PNKD: variants seen among roughly 807,000 people sequenced by gnomAD.
PNKD encodes PNKD metallo-beta-lactamase domain containing.
In PNKD, 36 loss-of-function variants were observed where a neutral mutation model predicts 45.3. That is an observed-to-expected ratio of 0.80 (90% CI 0.61 to 1.05). PNKD has a LOEUF of 1.05. Among genes scored for constraint, PNKD ranks in the 50% least tolerant of loss-of-function variants. The pLI is 0.00. For synonymous variants in PNKD, 197 were observed against 210.1 expected (o/e 0.94, Z 0.54); for missense variants, 511 against 506.6 (o/e 1.01, Z -0.08).
chr2:218,293,904 C>T (rs749483970), intron 2 of PNKD, among the ~76,000 whole-genome samples: 4 of 139,150 alleles, frequency 2.9e-5, no homozygotes, highest in Non-Finnish European at 4.5e-5. Flanking sequence ...TGAGCCACCA[C>T]GTCCAGCCCC....
intron 2 of PNKD, among the ~76,000 whole-genome samples, chr2:218,311,709 A>G (rs1693620653): frequency 6.6e-6 from 1 of 152,094 alleles, no homozygotes; most frequent in African/African-American, 2.4e-5. Context: ...TTACACCGAG[A>G]CATTCCATTC....
Position 218,344,471 on chromosome 2 carries a change from G to T in PNKD, c.885G>T (p.Glu295Asp). Reference sequence around the variant, plus strand: ...TGTCGGTAGGTCATGAGTATGCAGAGGAGAACCTGGGCTTTGCAGGTGTGG... The same window carrying T: ...TGTCGGTAGGTCATGAGTATGCAGATGAGAACCTGGGCTTTGCAGGTGTGG... ...TLLWPGHEYA[E>D]ENLGFAGVVE... Residue 295 changes from glutamate to aspartate, a missense_variant, in exon 9 of 10, where the codon GAG becomes GAT. By Grantham distance (45) the Glu-to-Asp change is conservative (BLOSUM62 2). Transcript: ENST00000273077. The T allele has an allele frequency of 1.9e-6, 3 of 1,581,934 alleles. No homozygotes were observed. The highest frequency in any genetic ancestry group is 2.3e-5 in the South Asian group (2 of 86,504).
rs577399044 is a variant in PNKD, at chr2:218,343,134, G to A, written c.782-366G>A. Among the ~76,000 whole-genome samples, 4 of 152,300 alleles carry A rather than the reference G, an allele frequency of 2.6e-5. No individual in the cohort carries two copies. In the East Asian group the frequency reaches 7.7e-4, roughly 29 times the overall value. On this transcript the variant is annotated intron_variant, in intron 7 of 9. Coordinates refer to ENST00000273077, the MANE Select transcript of PNKD (RefSeq NM_015488.5). ...TAAGAACAGCTAGGTGAGTGGGTGG[G>A]TGAGGATCACAAGTCCCAGGCTGCA...
Position 218,345,156 on chromosome 2 carries a change from A to C in PNKD, c.*175A>C. The C allele has an allele frequency of 1.6e-6, 1 of 610,364 alleles. No individual in the cohort carries two copies. The highest frequency in any genetic ancestry group is 2.9e-6 in the Non-Finnish European group (1 of 348,412). The allele number at this position is 610,364 out of a possible 1,614,324, so 37.8% of individuals were successfully genotyped here. On this transcript the variant is annotated 3_prime_UTR_variant, in exon 10 of 10. Transcript: ENST00000273077. The stretch of plus-strand genomic sequence containing the variant: ...TCAGGCGATGAGACTGTGAGGCCAA[A>C]AGAAGGGGGCCTGTTGGAGGCTGGG...
At chr2:218,318,313 ACTTTAGC>A (rs1411511235) in intron 2 of PNKD, 1 of 118,954 alleles carries the variant, frequency 8.4e-6, no homozygotes, top group Non-Finnish European at 1.9e-5. Flanking sequence ...GCAGAGGCAA[ACTTTAGC>A]CTTGGCAGTG....
At chr2:218,271,817 GGAGT>G (rs1442459993) in intron 2 of PNKD, among the ~76,000 whole-genome samples, 4 of 152,310 alleles carry the variant, frequency 2.6e-5, no homozygotes, top group South Asian at 2.1e-4. Flanking sequence ...TTGGGAGCTT[GGAGT>G]GAGACCCAAG....
At position 218,272,828 on chromosome 2, in the gene PNKD, G is replaced by T. The variant is rs369843065; in HGVS notation, c.236+1279G>T. Reference sequence around the variant, plus strand: ...TCAGGTTTGGCCCAGATTCCAGTTCGTGCCTCTGAGGTCCACCAGAGGGCG... The same window carrying T: ...TCAGGTTTGGCCCAGATTCCAGTTCTTGCCTCTGAGGTCCACCAGAGGGCG... On this transcript the variant is annotated intron_variant, in intron 2 of 9. Transcript: ENST00000273077. The T allele has an allele frequency of 3.1e-6, 5 of 1,611,918 alleles. No individual in the cohort carries two copies. In the East Asian group the frequency reaches 1.1e-4, roughly 36 times the overall value.
chr2:218,295,610 G>A (rs1424961387), intron 2 of PNKD, among the ~76,000 whole-genome samples: 1 of 151,994 alleles, frequency 6.6e-6, no homozygotes, highest in East Asian at 1.9e-4. Context: ...AGCAAGCTAG[G>A]ATGGGGGGTG....
Position 218,345,820 on chromosome 2 carries a change from G to C in PNKD, c.*839G>C, listed in dbSNP as rs893897611. ...TCCTTGCCAGGGGAGAGACAGCCAC[G>C]GTCCTCTTTGGCCGATGCTGTATTC... is the stretch of plus-strand genomic sequence containing the variant. On this transcript the variant is annotated 3_prime_UTR_variant, in exon 10 of 10. Coordinates refer to ENST00000273077, the MANE Select transcript of PNKD (RefSeq NM_015488.5). 1 of 152,404 alleles carries C rather than the reference G, an allele frequency of 6.6e-6. No individual in the cohort carries two copies. The highest frequency in any genetic ancestry group is 1.5e-5 in the Non-Finnish European group (1 of 68,096). The allele number at this position is 152,404 out of a possible 1,614,324, so 9.4% of individuals were successfully genotyped here.
chr2:218,339,753 C>A, intron 2 of PNKD, 30 bp from the exon 3 acceptor site: 1 of 1,404,872 alleles, frequency 7.1e-7, no homozygotes, highest in Non-Finnish European at 1.0e-6. Flanking sequence ...GGAGAAAAGG[C>A]TAATCATAGG....
chr2:218,342,089 C>T lies in PNKD; in HGVS notation c.726C>T (p.Pro242=). The T allele has an allele frequency of 6.2e-7, 1 of 1,613,606 alleles. No individual in the cohort carries two copies. The highest frequency in any genetic ancestry group is 8.5e-7 in the Non-Finnish European group (1 of 1,179,584). The change falls in exon 7 of 10, where the codon CCC becomes CCT. Residue 242 remains proline (P), a synonymous_variant. Transcript: ENST00000273077. ...TGGTCTACCTACTGGATGGGGAGCC[C>T]TACAAGGGTCCCTCCTGCCTCTTCT... is the stretch of plus-strand genomic sequence containing the variant. The part of the protein sequence containing the change: ...GHLVYLLDGE[P]YKGPSCLFSG...
intron 2 of PNKD, among the ~76,000 whole-genome samples, chr2:218,312,595 G>A (rs970517478): frequency 2.7e-5 from 4 of 150,898 alleles, no homozygotes; most frequent in Non-Finnish European, 4.4e-5. Context: ...AACCTGGGCC[G>A]GGAGGGATGG....
intron 2 of PNKD, chr2:218,323,461 C>A (rs1309023168): frequency 1.3e-6 from 2 of 1,505,990 alleles, no homozygotes; most frequent in African/African-American, 1.4e-5. Context: ...AGCGTGCGGG[C>A]TCGGGAGGCG....
intron 2 of PNKD, among the ~76,000 whole-genome samples, chr2:218,324,143 AG>A (rs1202291406): frequency 6.8e-6 from 1 of 147,942 alleles, no homozygotes. Context: ...TCCTGGCCCC[AG>A]GGGAGGGTGG....
chr2:218,317,174 C>T (rs10932773), intron 2 of PNKD, among the ~76,000 whole-genome samples: 140,407 of 152,146 alleles, frequency 0.92, 65,760 homozygotes, highest in East Asian at 1. Context: ...TGAATTATGT[C>T]GAAGGCATTG....
intron 2 of PNKD, among the ~76,000 whole-genome samples, chr2:218,312,459 G>A (rs1380334656): frequency 6.6e-6 from 1 of 151,952 alleles, no homozygotes; most frequent in Non-Finnish European, 1.5e-5. Flanking sequence ...TCACTTGAAG[G>A]CTATGGCTAT....
chr2:218,276,899 G>T (rs1691272299), intron 2 of PNKD: 2 of 900,548 alleles, frequency 2.2e-6, no homozygotes, highest in Non-Finnish European at 3.6e-6. Context: ...GGTTCTGGAG[G>T]TCAGAGCCTG....
intron 2 of PNKD, among the ~76,000 whole-genome samples, chr2:218,337,527 G>A (rs1694533055): frequency 6.6e-6 from 1 of 152,192 alleles, no homozygotes; most frequent in African/African-American, 2.4e-5. Flanking sequence ...ACAAAAGCAA[G>A]AAAGGATGCA....
intron 2 of PNKD, among the ~76,000 whole-genome samples, chr2:218,315,002 C>CTTTCT (rs1285390681): frequency 9.3e-6 from 1 of 107,876 alleles, no homozygotes; most frequent in African/African-American, 3.7e-5. Flanking sequence ...GGTTTTCTTT[C>CTTTCT]TTTCTTTCTT....
Sources: gnomAD v4.1 joint callset for allele counts (sites outside exome capture counted in the v4.1 genomes callset) on GRCh38, gnomAD v4.1.1 for gene constraint, MANE v1.5 for transcripts, NCBI Gene and HGNC (gene_info 2026-07-23, HGNC 2026-07-21) for gene names.